The following MAGI2 variants were observed in gnomAD, a reference collection of about 807,000 sequenced individuals.
The protein encoded by MAGI2 is membrane-associated guanylate kinase, WW and PDZ domain-containing protein 2.
MAGI2 carries 35 observed loss-of-function variants against 133.3 expected under a neutral mutation model. That is an observed-to-expected ratio of 0.26 (90% CI 0.20 to 0.35). The LOEUF (loss-of-function observed/expected upper bound fraction) is 0.35, where lower values mean the gene tolerates loss of function less well. Among genes scored for constraint, MAGI2 ranks in the 10% least tolerant of loss-of-function variants. The probability of loss-of-function intolerance (pLI) is 1.00; values close to 1 mark genes in which losing one functional copy is unlikely to be tolerated. For synonymous variants in MAGI2, 729 were observed against 710.6 expected, an observed-to-expected ratio of 1.03 and a Z score of -0.41; for missense variants, 1,636 against 1,863.4, an observed-to-expected ratio of 0.88 and a Z score of 2.25.
chr7:78,259,252 ATTC>A (rs969741678), intron 9 of MAGI2, among the ~76,000 whole-genome samples: 3 of 151,934 alleles, frequency 2.0e-5, no homozygotes, highest in Non-Finnish European at 4.4e-5. Flanking sequence ...TTGCTCCAAC[ATTC>A]TTCTTAGGTT....
intron 2 of MAGI2, among the ~76,000 whole-genome samples, chr7:78,872,102 A>AAAAG (rs1386892159): frequency 2.0e-5 from 3 of 151,598 alleles, no homozygotes; most frequent in African/African-American, 7.3e-5. Context: ...TCTTTCCTCC[A>AAAAG]AAACAAACAA....
At chr7:78,161,735 G>T (rs1480356792) in intron 15 of MAGI2, among the ~76,000 whole-genome samples, 2 of 145,626 alleles carry the variant, frequency 1.4e-5, no homozygotes, top group Non-Finnish European at 3.0e-5. Flanking sequence ...TTTAAAAAAT[G>T]GCCTAACCAA....
intron 2 of MAGI2, among the ~76,000 whole-genome samples, chr7:78,665,851 A>C (rs1402969146): frequency 6.6e-6 from 1 of 152,184 alleles, no homozygotes; most frequent in African/African-American, 2.4e-5. Flanking sequence ...ACGTCTCTAA[A>C]TGCTAGAGAT....
chr7:78,897,931 C>A (rs1042999452), intron 2 of MAGI2, among the ~76,000 whole-genome samples: 2 of 152,120 alleles, frequency 1.3e-5, no homozygotes, highest in Non-Finnish European at 2.9e-5. Context: ...AAAATATTTG[C>A]AAACTATGCA....
At chr7:78,798,659 G>T (rs1343658302) in intron 2 of MAGI2, among the ~76,000 whole-genome samples, 2 of 152,100 alleles carry the variant, frequency 1.3e-5, no homozygotes, top group Admixed American at 1.3e-4. Flanking sequence ...ACAGTCCTGT[G>T]GTCATTTCCC....
At position 78,416,709 on chromosome 7, in the gene MAGI2, T is replaced by C. The variant is rs141950648; in HGVS notation, c.1046-47496A>G. Among the ~76,000 whole-genome samples, 766 of 152,272 alleles carry C rather than the reference T, an allele frequency of 5.0e-3. 5 individuals carry two copies. Among genetic ancestry groups the C allele is most frequent in the South Asian group, 0.018 (85 of 4,830 alleles). On this transcript the variant is annotated intron_variant, in intron 6 of 21. Coordinates refer to ENST00000354212, the MANE Select transcript of MAGI2 (RefSeq NM_012301.4). ...GGCCTTTTGGGAAGTGATTAAGTCA[T>C]AAAGCCTCCACCTTTGTGAATGGAA...
chr7:78,350,563 A>G (rs1791399323), intron 7 of MAGI2: 1 of 152,140 alleles, frequency 6.6e-6, no homozygotes, highest in African/African-American at 2.4e-5. Context: ...CTCTTTTTCT[A>G]TATGTGGCCT....
intron 2 of MAGI2, among the ~76,000 whole-genome samples, chr7:78,791,004 G>T (rs1413287125): frequency 6.6e-6 from 1 of 152,120 alleles, no homozygotes; most frequent in Non-Finnish European, 1.5e-5. Flanking sequence ...AAAACAAGAA[G>T]ATTAAATGAA....
At chr7:78,823,399 T>G (rs374600689) in intron 2 of MAGI2, among the ~76,000 whole-genome samples, 23 of 152,004 alleles carry the variant, frequency 1.5e-4, no homozygotes, top group East Asian at 1.2e-3. Context: ...CTGGCTAACA[T>G]GGTGAAACCC....
chr7:78,052,561 C>A (rs1812123577), intron 21 of MAGI2, among the ~76,000 whole-genome samples: 1 of 152,216 alleles, frequency 6.6e-6, no homozygotes, highest in Admixed American at 6.5e-5. Flanking sequence ...CAAACTAAGA[C>A]AAAGGGGCAG....
At chr7:78,406,323 T>C (rs1184579631) in intron 6 of MAGI2, among the ~76,000 whole-genome samples, 1 of 152,056 alleles carries the variant, frequency 6.6e-6, no homozygotes, top group Non-Finnish European at 1.5e-5. Flanking sequence ...TTAACCTTTG[T>C]AACTAGGAGC....
At chr7:79,264,855 G>C (rs1300609918) in intron 1 of MAGI2, among the ~76,000 whole-genome samples, 3 of 150,914 alleles carry the variant, frequency 2.0e-5, no homozygotes, top group African/African-American at 7.4e-5. Context: ...AAACGAGAGA[G>C]ACACAGAGAG....
At chr7:79,241,361 A>G (rs766743594) in intron 1 of MAGI2, among the ~76,000 whole-genome samples, 1 of 152,228 alleles carries the variant, frequency 6.6e-6, no homozygotes, top group Non-Finnish European at 1.5e-5. Context: ...TATAACAGTG[A>G]GATAAGTTTA....
At chr7:79,394,848 C>T (rs1323517902) in intron 1 of MAGI2, among the ~76,000 whole-genome samples, 1 of 152,150 alleles carries the variant, frequency 6.6e-6, no homozygotes, top group Non-Finnish European at 1.5e-5. Context: ...AGAATGAAAG[C>T]AAATGGAATT....
intron 1 of MAGI2, among the ~76,000 whole-genome samples, chr7:79,337,795 A>G (rs1343304715): frequency 6.6e-6 from 1 of 152,136 alleles, no homozygotes; most frequent in Non-Finnish European, 1.5e-5. Context: ...TGACTAAAAG[A>G]CAGAACACAG....
chr7:78,944,002 A>AT (rs1490192406), intron 2 of MAGI2, among the ~76,000 whole-genome samples: 1 of 152,098 alleles, frequency 6.6e-6, no homozygotes, highest in East Asian at 1.9e-4. Flanking sequence ...GTTTCACATC[A>AT]TTTTTACTGT....
intron 6 of MAGI2, among the ~76,000 whole-genome samples, chr7:78,393,183 G>T (rs767680271): frequency 5.3e-5 from 8 of 152,134 alleles, no homozygotes; most frequent in Non-Finnish European, 7.4e-5. Flanking sequence ...GGTGGGTGTT[G>T]CTTCTCACCT....
chr7:78,058,128 T>G (rs1369246937), intron 21 of MAGI2, among the ~76,000 whole-genome samples: 4 of 151,696 alleles, frequency 2.6e-5, no homozygotes, highest in Non-Finnish European at 5.9e-5. Context: ...GGTACTATGC[T>G]AACATCAAAC....
At chr7:79,162,298 G>T (rs1215779084) in intron 1 of MAGI2, among the ~76,000 whole-genome samples, 1 of 151,896 alleles carries the variant, frequency 6.6e-6, no homozygotes, top group East Asian at 1.9e-4. Context: ...ATACTTCCAA[G>T]GAAACCAAAA....
Sources: gnomAD v4.1 joint callset for allele counts (sites outside exome capture counted in the v4.1 genomes callset) on GRCh38, gnomAD v4.1.1 for gene constraint, MANE v1.5 for transcripts, NCBI Gene and HGNC (gene_info 2026-07-23, HGNC 2026-07-21) for gene names.